KCNMA1: variants seen among roughly 807,000 people sequenced by gnomAD.
KCNMA1 encodes the protein potassium calcium-activated channel subfamily M alpha 1.
In KCNMA1, 29 loss-of-function variants were observed where a neutral mutation model predicts 140.0. The ratio of observed to expected loss-of-function variants is 0.21; its 90% CI spans 0.15 to 0.28. The LOEUF (loss-of-function observed/expected upper bound fraction) is 0.28, where lower values mean the gene tolerates loss of function less well. KCNMA1 is among the 10% of genes least tolerant of loss of function. KCNMA1 has a pLI of 1.00. For synonymous variants in KCNMA1, 612 were observed against 611.9 expected (o/e 1.00, Z 0.00); for missense variants, 880 against 1,602.2 (o/e 0.55, Z 7.70).
rs118106051 is a variant in KCNMA1 at position 77,297,611 on chromosome 10, T to A, written c.541-46355A>T. ...GGTAAACTGTAAGGCACTACACACG[T>A]CTGGTGGCAAGGCTTGTAAAGCTCT... On this transcript the variant is annotated intron_variant, in intron 2 of 27. Coordinates refer to ENST00000286628, the MANE Select transcript of KCNMA1 (RefSeq NM_001161352.2). 2.6e-5 allele frequency among the ~76,000 whole-genome samples: 4 copies of A among 152,218 alleles called. No individual in the cohort carries two copies. In the East Asian group the frequency reaches 7.7e-4, roughly 29 times the overall value.
chr10:77,015,080 G>A (rs2153464604), intron 17 of KCNMA1, among the ~76,000 whole-genome samples: 1 of 152,160 alleles, frequency 6.6e-6, no homozygotes, highest in East Asian at 1.9e-4. Flanking sequence ...ACTTGCTCCA[G>A]CTCACCGTAC....
At chr10:77,227,868 T>A (rs538545584) in intron 3 of KCNMA1, among the ~76,000 whole-genome samples, 5 of 152,210 alleles carry the variant, frequency 3.3e-5, no homozygotes, top group African/African-American at 9.6e-5. Flanking sequence ...AAGAAGGGGG[T>A]AATACTGCTA....
chr10:77,366,124 C>CTTTCT (rs376089936), intron 2 of KCNMA1, among the ~76,000 whole-genome samples: 12 of 90,186 alleles, frequency 1.3e-4, no homozygotes, highest in Admixed American at 3.6e-4. Flanking sequence ...CTTTCTTTTT[C>CTTTCT]TTTTCTTCTC....
chr10:77,297,302 C>A (rs1172085843), intron 2 of KCNMA1, among the ~76,000 whole-genome samples: 1 of 152,212 alleles, frequency 6.6e-6, no homozygotes, highest in Non-Finnish European at 1.5e-5. Flanking sequence ...TGGCTCCACC[C>A]ACATTTCATC....
downstream of KCNMA1, among the ~76,000 whole-genome samples, chr10:76,882,890 CTGAT>C (rs2035233719): frequency 6.6e-6 from 1 of 152,214 alleles, no homozygotes; most frequent in African/African-American, 2.4e-5. Context: ...CTGAAAGAAG[CTGAT>C]TGAGAAATTG....
At chr10:77,432,161 C>A (rs2097169018) in intron 1 of KCNMA1, among the ~76,000 whole-genome samples, 1 of 152,176 alleles carries the variant, frequency 6.6e-6, no homozygotes, top group Admixed American at 6.5e-5. Flanking sequence ...CTTCGGGTTA[C>A]TGGGATAAAG....
At position 76,914,926 on chromosome 10, in the gene KCNMA1, T is replaced by C. The variant is rs375068965; in HGVS notation, c.3016+10A>G. 2.5e-6 allele frequency: 4 copies of C among 1,581,026 alleles called. No homozygotes were observed. The highest frequency in any genetic ancestry group is 3.5e-6 in the Non-Finnish European group (4 of 1,150,152). On this transcript the variant is annotated intron_variant, in intron 24 of 27. Transcript: ENST00000286628. ...CAAAAACTCCCCCCAAAGCTGACATTGACCCCTACCTAGTTCAGTGATGAT... is the reference window on the plus strand; with the variant it reads ...CAAAAACTCCCCCCAAAGCTGACATCGACCCCTACCTAGTTCAGTGATGAT...
rs1258017443 is a variant in KCNMA1, at chr10:76,920,024, A to ATG, written c.2903-4976_2903-4975insCA. ...TGTGTGTGTGTGTGTGTGTGTGTAT[A>ATG]TATATATATATATATATATATATAT... On this transcript the variant is annotated intron_variant, in intron 23 of 27. Coordinates refer to ENST00000286628, the MANE Select transcript of KCNMA1 (RefSeq NM_001161352.2). Among the ~76,000 whole-genome samples the ATG allele has an allele frequency of 6.9e-4, 58 of 83,492 alleles. 3 individuals carry two copies. Among genetic ancestry groups the ATG allele is most frequent in the East Asian group, 3.8e-3 (9 of 2,340 alleles). 54.8% of individuals were successfully genotyped at this position (83,492 alleles called of 152,430 possible). A position where few individuals can be genotyped will look rare whatever the true frequency, so the allele number is the denominator to read the frequency against.
chr10:76,991,281 T>C (rs1193257889), intron 19 of KCNMA1, among the ~76,000 whole-genome samples: 3 of 152,264 alleles, frequency 2.0e-5, no homozygotes, highest in African/African-American at 7.2e-5. Context: ...ATGCTCTATA[T>C]GTGGTAGTAA....
intron 2 of KCNMA1, among the ~76,000 whole-genome samples, chr10:77,332,553 C>A (rs1400290481): frequency 7.0e-6 from 1 of 142,940 alleles, no homozygotes; most frequent in Non-Finnish European, 1.5e-5. Flanking sequence ...CCCTAGTTGA[C>A]CTCCTGCCTC....
intron 1 of KCNMA1, among the ~76,000 whole-genome samples, chr10:77,541,854 A>T (rs2060253042): frequency 6.6e-6 from 1 of 152,184 alleles, no homozygotes; most frequent in Non-Finnish European, 1.5e-5. Context: ...AAGCTTCCAA[A>T]GTGATTTTAA....
intron 2 of KCNMA1, among the ~76,000 whole-genome samples, chr10:77,272,068 T>C (rs10824511): frequency 0.6 from 91,629 of 152,074 alleles, 29,310 homozygotes; most frequent in African/African-American, 0.82. Context: ...TGCAGTTAGG[T>C]GCACACAGCA....
chr10:77,007,653 G>GTGTGTATATA lies in KCNMA1; in HGVS notation c.2092+4313_2092+4314insTATATACACA. Reference sequence around the variant, plus strand: ...ACATCATGGTACATATTGTGTGTGTGTATATATATATATATATATATATGT... The same window carrying GTGTGTATATA: ...ACATCATGGTACATATTGTGTGTGTGTGTGTATATATATATATATATATATATATATATGT... On this transcript the variant is annotated intron_variant, in intron 18 of 27. Transcript: ENST00000286628. Among the ~76,000 whole-genome samples, 12 of 88,462 alleles carry GTGTGTATATA rather than the reference G, an allele frequency of 1.4e-4. 1 individual carries two copies. In the South Asian group the frequency reaches 4.7e-3, roughly 35 times the overall value. 58.0% of individuals were successfully genotyped at this position (88,462 alleles called of 152,430 possible).
chr10:77,158,135 A>G (rs902237233), intron 5 of KCNMA1, among the ~76,000 whole-genome samples: 4 of 152,252 alleles, frequency 2.6e-5, no homozygotes, highest in African/African-American at 9.6e-5. Flanking sequence ...TGAACAAAAG[A>G]AAACACTTTT....
intron 2 of KCNMA1, among the ~76,000 whole-genome samples, chr10:77,358,413 C>G (rs1438560132): frequency 6.6e-6 from 1 of 152,092 alleles, no homozygotes; most frequent in Non-Finnish European, 1.5e-5. Context: ...TCACACCCAC[C>G]CATTAGAACA....
chr10:77,574,889 T>C (rs1294224137), intron 1 of KCNMA1, among the ~76,000 whole-genome samples: 7 of 152,234 alleles, frequency 4.6e-5, no homozygotes, highest in African/African-American at 1.7e-4. Flanking sequence ...AGTATTCATT[T>C]TGCACATGCA....
At chr10:76,967,976 ACAGCCAATC>A (rs2074600854) in intron 20 of KCNMA1, among the ~76,000 whole-genome samples, 2 of 152,064 alleles carry the variant, frequency 1.3e-5, no homozygotes, top group South Asian at 4.2e-4. Context: ...TCAAAAACCC[ACAGCCAATC>A]TGTTGATCAT....
At chr10:77,471,812 A>C (rs556854937) in intron 1 of KCNMA1, among the ~76,000 whole-genome samples, 1 of 152,008 alleles carries the variant, frequency 6.6e-6, no homozygotes, top group Non-Finnish European at 1.5e-5. Context: ...CACGCAGCAC[A>C]CACATACTAT....
intron 2 of KCNMA1, among the ~76,000 whole-genome samples, chr10:77,293,345 A>G (rs1752693168): frequency 6.6e-6 from 1 of 152,164 alleles, no homozygotes; most frequent in Non-Finnish European, 1.5e-5. Flanking sequence ...ATGAGTTTGC[A>G]CAACAAGAAT....
Sources: allele counts gnomAD v4.1 joint callset (sites outside exome capture counted in the v4.1 genomes callset), GRCh38; gene constraint gnomAD v4.1.1; transcripts MANE v1.5; gene names NCBI Gene and HGNC (gene_info 2026-07-23, HGNC 2026-07-21).